Variants in NBAS observed in about 807,000 individuals in gnomAD.
NBAS encodes the protein NAG/BC035112 fusion.
NBAS carries 219 observed loss-of-function variants against 302.5 expected under a neutral mutation model. The ratio of observed to expected loss-of-function variants is 0.72; its 90% CI spans 0.65 to 0.81. NBAS has a LOEUF of 0.81. NBAS is among the 30% of genes least tolerant of loss of function. NBAS has a pLI of 0.00. For synonymous variants in NBAS, 1,118 were observed against 1,021.6 expected, an observed-to-expected ratio of 1.09 and a Z score of -1.80; for missense variants, 2,932 against 2,841.6, an observed-to-expected ratio of 1.03 and a Z score of -0.72.
intron 38 of NBAS, among the ~76,000 whole-genome samples, chr2:15,311,428 G>A (rs569476729): frequency 2.0e-5 from 3 of 152,240 alleles, no homozygotes; most frequent in South Asian, 2.1e-4. Flanking sequence ...CCACAGGCTT[G>A]AGTAAGCAAA....
the NBAS span, among the ~76,000 whole-genome samples, chr2:15,109,284 G>A: frequency 6.6e-6 from 1 of 152,106 alleles, no homozygotes; most frequent in Non-Finnish European, 1.5e-5. Context: ...TCTATGGTTA[G>A]TGTACAGCAT....
Position 15,417,747 on chromosome 2 carries a change from T to TAGA in NBAS, c.2578-36_2578-35insTCT, listed in dbSNP as rs748948148. 6 of 1,584,246 alleles carry TAGA rather than the reference T, an allele frequency of 3.8e-6. No individual in the cohort carries two copies. The Admixed American group carries it at 1.0e-4, about 27-fold the overall frequency. ...AAAAGCAACAATAAGTTCCTGAGTATTATATATTTCTCATCTATTCTAAAG... is the reference window on the plus strand; with the variant it reads ...AAAAGCAACAATAAGTTCCTGAGTATAGATATATATTTCTCATCTATTCTAAAG... On this transcript the variant is annotated intron_variant, in intron 23 of 51. Coordinates refer to ENST00000281513, the MANE Select transcript of NBAS (RefSeq NM_015909.4).
At chr2:15,366,253 A>C (rs1334820098) in intron 32 of NBAS, among the ~76,000 whole-genome samples, 1 of 152,192 alleles carries the variant, frequency 6.6e-6, no homozygotes, top group East Asian at 1.9e-4. Context: ...TCTGCTCCTG[A>C]CTACACAACC....
intron 21 of NBAS, among the ~76,000 whole-genome samples, chr2:15,444,829 C>A (rs1678637593): frequency 6.6e-6 from 1 of 152,082 alleles, no homozygotes. Context: ...ACAATCCTGT[C>A]AAAAAGTGGG....
At chr2:15,140,107 G>T in the NBAS span, among the ~76,000 whole-genome samples, 1 of 152,212 alleles carries the variant, frequency 6.6e-6, no homozygotes, top group African/African-American at 2.4e-5. Context: ...CCACCATGTT[G>T]TGAGGAAGCC....
chr2:15,535,427 C>A (rs542497675), intron 8 of NBAS, among the ~76,000 whole-genome samples: 2 of 151,908 alleles, frequency 1.3e-5, no homozygotes, highest in South Asian at 4.2e-4. Flanking sequence ...GACACTGAGG[C>A]AGGAGAATGG....
In NBAS at chr2:15,534,576, C is replaced by G; in HGVS notation, c.713G>C (p.Gly238Ala). 1 of 1,613,558 alleles carries G rather than the reference C, an allele frequency of 6.2e-7. No homozygotes were observed. Reference protein sequence around the residue: ...CFSFSSHYPHGINTAIYHPGH... With the variant: ...CFSFSSHYPHAINTAIYHPGH... The stretch of plus-strand genomic sequence containing the variant: ...AGGGTGGTAAATAGCTGTGTTGATT[C>G]CATGAGGATAATGACTACTGAAGCT... Residue 238 changes from glycine (G) to alanine (A), a missense_variant, in exon 9 of 52, where the codon GGA (glycine) becomes GCA (alanine). Coordinates refer to ENST00000281513, the MANE Select transcript of NBAS (RefSeq NM_015909.4).
At chr2:15,096,882 C>G in the NBAS span, among the ~76,000 whole-genome samples, 1 of 152,118 alleles carries the variant, frequency 6.6e-6, no homozygotes, top group Non-Finnish European at 1.5e-5. Context: ...AGGAGCAAAA[C>G]AGGGAGAAAG....
chr2:15,170,870 A>C (rs988823769), intron 51 of NBAS, among the ~76,000 whole-genome samples: 1 of 152,326 alleles, frequency 6.6e-6, no homozygotes, highest in East Asian at 1.9e-4. Flanking sequence ...TCCTTTCTAC[A>C]TATCAGGGCA....
chr2:15,021,828 G>A, the NBAS span, among the ~76,000 whole-genome samples: 1 of 152,298 alleles, frequency 6.6e-6, no homozygotes, highest in South Asian at 2.1e-4. Flanking sequence ...GCTCTCTCAG[G>A]TCATGCAGAA....
the NBAS span, among the ~76,000 whole-genome samples, chr2:14,916,770 T>A: frequency 6.6e-6 from 1 of 152,216 alleles, no homozygotes; most frequent in East Asian, 1.9e-4. Flanking sequence ...TATTCAGATA[T>A]GGCTAAGTCT....
chr2:14,831,139 T>C, the NBAS span, among the ~76,000 whole-genome samples: 1 of 152,156 alleles, frequency 6.6e-6, no homozygotes, highest in Non-Finnish European at 1.5e-5. Flanking sequence ...TATTATAAAA[T>C]TGGTGAGTCG....
intron 23 of NBAS, among the ~76,000 whole-genome samples, chr2:15,422,804 TA>T (rs1288973859): frequency 6.6e-6 from 1 of 152,200 alleles, no homozygotes; most frequent in Non-Finnish European, 1.5e-5. Context: ...GATGTATATA[TA>T]AATACTCAAA....
At chr2:15,067,658 G>T in the NBAS span, among the ~76,000 whole-genome samples, 1 of 151,902 alleles carries the variant, frequency 6.6e-6, no homozygotes, top group Non-Finnish European at 1.5e-5. Context: ...TAGAATGGTG[G>T]CTTTTAGGGG....
chr2:15,545,537 C>A (rs1664070855), intron 6 of NBAS, among the ~76,000 whole-genome samples: 1 of 151,902 alleles, frequency 6.6e-6, no homozygotes, highest in African/African-American at 2.4e-5. Context: ...AACATTAAGC[C>A]AATAATTTCT....
At chr2:15,038,112 C>CTT in the NBAS span, among the ~76,000 whole-genome samples, 8,763 of 118,462 alleles carry the variant, frequency 0.074, 520 homozygotes, top group Non-Finnish European at 0.1. Flanking sequence ...TGACTTTATT[C>CTT]TTTTTTTTTT....
chr2:15,185,936 T>C (rs575055398), intron 50 of NBAS, among the ~76,000 whole-genome samples: 1 of 152,272 alleles, frequency 6.6e-6, no homozygotes, highest in East Asian at 1.9e-4. Context: ...AAAATCAATT[T>C]AATGCCATTA....
chr2:15,530,540 A>G (rs1188471422), intron 9 of NBAS, among the ~76,000 whole-genome samples: 1 of 152,148 alleles, frequency 6.6e-6, no homozygotes, highest in East Asian at 1.9e-4. Context: ...TTTACAATTT[A>G]TAAAAGATCT....
the NBAS span, among the ~76,000 whole-genome samples, chr2:14,798,047 T>A: frequency 6.6e-6 from 1 of 152,220 alleles, no homozygotes; most frequent in Non-Finnish European, 1.5e-5. Context: ...TGTGAATAAA[T>A]AGGGTTTCCT....
Sources: gnomAD v4.1 joint callset for allele counts (sites outside exome capture counted in the v4.1 genomes callset) on GRCh38, gnomAD v4.1.1 for gene constraint, MANE v1.5 for transcripts, NCBI Gene and HGNC (gene_info 2026-07-23, HGNC 2026-07-21) for gene names.